Variants in CYB5RL observed in about 807,000 individuals in gnomAD.
CYB5RL encodes the protein NADH-cytochrome b5 reductase-like.
In CYB5RL, 38 loss-of-function variants were observed where a neutral mutation model predicts 37.5. That is an observed-to-expected ratio of 1.01 (90% CI 0.78 to 1.33). CYB5RL has a LOEUF of 1.33. CYB5RL is among the 40% of genes most tolerant of loss of function. CYB5RL has a pLI of 0.00. For synonymous variants in CYB5RL, 141 were observed against 151.9 expected (o/e 0.93, Z 0.53); for missense variants, 388 against 394.4 (o/e 0.98, Z 0.14).
chr1:54,195,369 G>A, intron 3 of CYB5RL, 50 bp downstream of exon 3: 3 of 1,497,628 alleles, frequency 2.0e-6, no homozygotes, highest in Non-Finnish European at 2.7e-6. Flanking sequence ...CAGGGCCAAG[G>A]CAAGTAGATT....
chr1:54,197,142 A>T (rs1644014493), intron 1 of CYB5RL, among the ~76,000 whole-genome samples: 1 of 152,070 alleles, frequency 6.6e-6, no homozygotes. Context: ...TCCAGTTGTG[A>T]GTTGGATTAA....
In CYB5RL at chr1:54,200,005, G is replaced by A. The variant is rs192472413; in HGVS notation, c.-252C>T. 1,355 of 541,724 alleles carry A rather than the reference G, an allele frequency of 2.5e-3. No homozygotes were observed. The highest frequency in any genetic ancestry group is 3.9e-3 in the Non-Finnish European group (1,217 of 309,174). 33.6% of individuals were successfully genotyped at this position (541,724 alleles called of 1,614,324 possible). On this transcript the variant is annotated 5_prime_UTR_variant, in exon 1 of 8. Coordinates refer to ENST00000534324, the MANE Select transcript of CYB5RL (RefSeq NM_001031672.4). ...TCGCCTGCGCTTCACCTCACGTGAG[G>A]ATTTTCCAGGTTCCTCCCAGTCTCT...
chr1:54,194,345 G>A (rs1457883581), intron 3 of CYB5RL, among the ~76,000 whole-genome samples: 1 of 151,876 alleles, frequency 6.6e-6, no homozygotes, highest in Admixed American at 6.6e-5. Context: ...ACCCCAGCCT[G>A]GGCAACAAGA....
In CYB5RL at chr1:54,174,853, C is replaced by G. The variant is rs772460875; in HGVS notation, c.745-31G>C. On this transcript the variant is annotated intron_variant, in intron 7 of 7. Coordinates refer to ENST00000534324, the MANE Select transcript of CYB5RL (RefSeq NM_001031672.4). Reference sequence around the variant, plus strand: ...AAGACAAGAAAGGCATGGGTGACTACAAGGGAGCGGGGGGTCCTTAGTGTT... The same window carrying G: ...AAGACAAGAAAGGCATGGGTGACTAGAAGGGAGCGGGGGGTCCTTAGTGTT... 7 of 1,602,482 alleles carry G rather than the reference C, an allele frequency of 4.4e-6. No individual in the cohort carries two copies. In the East Asian group the frequency reaches 6.7e-5, roughly 15 times the overall value.
chr1:54,199,148 C>T (rs1463126676), intron 1 of CYB5RL, among the ~76,000 whole-genome samples: 1 of 152,166 alleles, frequency 6.6e-6, no homozygotes, highest in South Asian at 2.1e-4. Context: ...TTTTAAAGGT[C>T]ACCTCCCTTC....
intron 1 of CYB5RL, among the ~76,000 whole-genome samples, chr1:54,198,027 CAAAA>C (rs575486117): frequency 0.016 from 1,256 of 77,944 alleles, 6 homozygotes; most frequent in East Asian, 0.096. Context: ...GACTCTGTCT[CAAAA>C]AAAAAAAAAA....
chr1:54,199,035 C>T (rs867331391), intron 1 of CYB5RL, among the ~76,000 whole-genome samples: 4 of 152,204 alleles, frequency 2.6e-5, no homozygotes, highest in Middle Eastern at 3.4e-3. Context: ...GTTCATGCGT[C>T]CTCTGAGCTC....
chr1:54,197,071 AAAG>A (rs888316286), intron 1 of CYB5RL, among the ~76,000 whole-genome samples: 21 of 152,116 alleles, frequency 1.4e-4, no homozygotes, highest in Non-Finnish European at 7.3e-5. Flanking sequence ...GTTTTAAGGG[AAAG>A]AAGAAGAGAG....
rs972397894 is a variant in CYB5RL, at chr1:54,171,140, G to A, written c.*3479C>T. On this transcript the variant is annotated 3_prime_UTR_variant, in exon 8 of 8. Transcript: ENST00000534324. Reference sequence around the variant, plus strand: ...AGACAGGCGAGGCTCCCGGGAGGAAGTGACACTGAGCTGAGACCTCAAAAG... The same window carrying A: ...AGACAGGCGAGGCTCCCGGGAGGAAATGACACTGAGCTGAGACCTCAAAAG... The A allele has an allele frequency of 1.8e-5, 8 of 455,868 alleles. No homozygotes were observed. The highest frequency in any genetic ancestry group is 3.1e-5 in the Non-Finnish European group (7 of 226,796). The allele number at this position is 455,868 out of a possible 1,614,324, so 28.2% of individuals were successfully genotyped here. A position where few individuals can be genotyped will look rare whatever the true frequency, so the allele number is the denominator to read the frequency against.
intron 3 of CYB5RL, among the ~76,000 whole-genome samples, chr1:54,191,590 A>G (rs982579013): frequency 2.0e-5 from 3 of 152,270 alleles, no homozygotes; most frequent in African/African-American, 7.2e-5. Flanking sequence ...TGACTCACAG[A>G]TCTTTCTTTC....
At chr1:54,195,324 T>C (rs1643996611) in intron 3 of CYB5RL, 95 bp downstream of exon 3, 4 of 1,351,394 alleles carry the variant, frequency 3.0e-6, no homozygotes, top group Non-Finnish European at 3.9e-6. Context: ...TCTTCTGCTG[T>C]ACAGTCAGGG....
At chr1:54,194,671 G>A (rs1412201395) in intron 3 of CYB5RL, among the ~76,000 whole-genome samples, 1 of 152,156 alleles carries the variant, frequency 6.6e-6, no homozygotes, top group African/African-American at 2.4e-5. Flanking sequence ...AAGTGATTAC[G>A]ATGCCAGATG....
chr1:54,198,622 T>C (rs1472043139), intron 1 of CYB5RL, among the ~76,000 whole-genome samples: 11 of 141,162 alleles, frequency 7.8e-5, no homozygotes, highest in African/African-American at 2.1e-4. Flanking sequence ...TGAGCCACCA[T>C]GCCCGGCCTT....
intron 1 of CYB5RL, among the ~76,000 whole-genome samples, chr1:54,198,851 TCTCAAA>T (rs1253495905): frequency 2.0e-5 from 3 of 152,060 alleles, no homozygotes; most frequent in Non-Finnish European, 4.4e-5. Context: ...CCCAGGCTGA[TCTCAAA>T]CTCCTGGCCT....
chr1:54,192,040 A>G (rs1643958852), intron 3 of CYB5RL, among the ~76,000 whole-genome samples: 2 of 152,182 alleles, frequency 1.3e-5, no homozygotes, highest in Non-Finnish European at 2.9e-5. Flanking sequence ...ACAATGTAAA[A>G]AGCATTTTAT....
At chr1:54,187,903 C>T (rs1048740366) in intron 4 of CYB5RL, 164 bp from the exon 5 acceptor site, 64 of 592,882 alleles carry the variant, frequency 1.1e-4, no homozygotes, top group African/African-American at 2.2e-4. Flanking sequence ...TAGTGAAACC[C>T]GTCACTACTA....
At chr1:54,197,927 C>T (rs1644024539) in intron 1 of CYB5RL, among the ~76,000 whole-genome samples, 1 of 146,060 alleles carries the variant, frequency 6.8e-6, no homozygotes, top group Admixed American at 7.1e-5. Flanking sequence ...ACTCGGGAGG[C>T]TGAGGCAGGA....
chr1:54,198,888 G>C (rs1201805837), intron 1 of CYB5RL, among the ~76,000 whole-genome samples: 1 of 152,030 alleles, frequency 6.6e-6, no homozygotes, highest in Non-Finnish European at 1.5e-5. Context: ...CTCCCACCTA[G>C]GTCTCCCAAA....
intron 3 of CYB5RL, among the ~76,000 whole-genome samples, chr1:54,192,304 C>A (rs986505759): frequency 6.6e-6 from 1 of 151,700 alleles, no homozygotes; most frequent in East Asian, 1.9e-4. Flanking sequence ...CGTGCCTCAG[C>A]CTCCCAGGTA....
Sources: allele counts gnomAD v4.1 joint callset (sites outside exome capture counted in the v4.1 genomes callset), GRCh38; gene constraint gnomAD v4.1.1; transcripts MANE v1.5; gene names NCBI Gene and HGNC (gene_info 2026-07-23, HGNC 2026-07-21).